OTOGL: variants seen among roughly 807,000 people sequenced by gnomAD.
OTOGL encodes otogelin-like protein.
In OTOGL, 285 loss-of-function variants were observed where a neutral mutation model predicts 318.5. The observed-to-expected ratio is 0.89, with a 90% confidence interval of 0.81 to 0.99. The LOEUF is 0.99. Ranked by LOEUF, OTOGL falls within the 50% of genes least tolerant of loss-of-function variation. The pLI, the probability that OTOGL is intolerant of heterozygous loss-of-function variation, is 0.00. For synonymous variants in OTOGL, 987 were observed against 936.5 expected (o/e 1.05, Z -0.99); for missense variants, 2,899 against 2,845.6 (o/e 1.02, Z -0.43).
chr12:80,145,218 T>C (rs1302244193), intron 1 of OTOGL, among the ~76,000 whole-genome samples: 1 of 150,874 alleles, frequency 6.6e-6, no homozygotes, highest in Non-Finnish European at 1.5e-5. Flanking sequence ...TAATCCATCT[T>C]GAATTGACTT....
At chr12:80,185,921 A>G (rs1875257394) in intron 1 of OTOGL, among the ~76,000 whole-genome samples, 1 of 152,208 alleles carries the variant, frequency 6.6e-6, no homozygotes, top group Non-Finnish European at 1.5e-5. Flanking sequence ...AAATATTAGA[A>G]AAAAGGGACA....
At chr12:80,131,829 A>G (rs1324485331) in intron 1 of OTOGL, 5 of 152,228 alleles carry the variant, frequency 3.3e-5, no homozygotes, top group African/African-American at 7.2e-5. Context: ...AGAGAAGTTT[A>G]GTAACTTTCC....
rs372966050 is a variant in OTOGL at position 80,231,307 on chromosome 12, G to A, written c.612-1585G>A. On this transcript the variant is annotated intron_variant, in intron 8 of 58. Transcript: ENST00000547103. Reference sequence around the variant, plus strand: ...TAAGAATGCATTATGGCAGTAGTTAGCTAGAGTCTTTTTTATGTATTCTCC... The same window carrying A: ...TAAGAATGCATTATGGCAGTAGTTAACTAGAGTCTTTTTTATGTATTCTCC... Among the ~76,000 whole-genome samples, 533 of 152,172 alleles carry A rather than the reference G, an allele frequency of 3.5e-3. 5 individuals are homozygous for A. The highest frequency in any genetic ancestry group is 0.012 in the African/African-American group (505 of 41,512).
intron 1 of OTOGL, among the ~76,000 whole-genome samples, chr12:80,190,969 C>T (rs1353281008): frequency 6.6e-6 from 1 of 152,094 alleles, no homozygotes; most frequent in Non-Finnish European, 1.5e-5. Flanking sequence ...ACCTTTCCAC[C>T]TCAGGCAGGC....
At chr12:80,298,849 G>A (rs1885580341) in intron 27 of OTOGL, among the ~76,000 whole-genome samples, 1 of 152,166 alleles carries the variant, frequency 6.6e-6, no homozygotes, top group Non-Finnish European at 1.5e-5. Context: ...CCAGACTATG[G>A]AGGCTCTTGA....
chr12:80,339,610 G>A (rs1461388382), intron 43 of OTOGL, among the ~76,000 whole-genome samples: 2 of 151,916 alleles, frequency 1.3e-5, no homozygotes, highest in African/African-American at 4.8e-5. Flanking sequence ...GATCTAGTAA[G>A]TAGATAATAG....
At chr12:80,169,882 G>C (rs1874074085) in intron 1 of OTOGL, among the ~76,000 whole-genome samples, 2 of 152,150 alleles carry the variant, frequency 1.3e-5, no homozygotes, top group African/African-American at 2.4e-5. Flanking sequence ...TCCATTGTAT[G>C]GATCACCAAA....
chr12:80,316,732 G>A (rs1168050841), intron 32 of OTOGL, among the ~76,000 whole-genome samples: 1 of 152,134 alleles, frequency 6.6e-6, no homozygotes, highest in African/African-American at 2.4e-5. Context: ...AGTGATAGAC[G>A]TTGAAGGGGA....
intron 11 of OTOGL, among the ~76,000 whole-genome samples, chr12:80,246,273 C>T (rs1386110428): frequency 1.3e-5 from 2 of 149,180 alleles, no homozygotes; most frequent in East Asian, 1.9e-4. Context: ...AGTTCTTGCC[C>T]ATTCAGAATG....
rs1384513139 is a variant in OTOGL at position 80,163,096 on chromosome 12, TA to T, written c.-19-46309del. On this transcript the variant is annotated intron_variant, in intron 1 of 58. Coordinates refer to ENST00000547103, the MANE Select transcript of OTOGL (RefSeq NM_001378609.3). ...TCTGTCAGTAAAAGCAATAACTTTT[TA>T]AAAAAAATTCCAGGAGAGTTTTTAT... is the stretch of plus-strand genomic sequence containing the variant. Among the ~76,000 whole-genome samples, 3 of 151,978 alleles carry T rather than the reference TA, an allele frequency of 2.0e-5. No individual in the cohort carries two copies. In the East Asian group the frequency reaches 5.8e-4, roughly 29 times the overall value.
At chr12:80,288,409 G>A (rs565748710) in intron 26 of OTOGL, among the ~76,000 whole-genome samples, 12 of 152,176 alleles carry the variant, frequency 7.9e-5, no homozygotes, top group African/African-American at 2.9e-4. Flanking sequence ...TATCTTAGTG[G>A]TGTTCTCGTA....
chr12:80,267,679 C>A (rs1056340206), intron 22 of OTOGL, among the ~76,000 whole-genome samples: 2 of 149,710 alleles, frequency 1.3e-5, no homozygotes, highest in African/African-American at 4.9e-5. Context: ...TTAACCCAAA[C>A]TGTAAGTTGA....
Position 80,370,551 on chromosome 12 carries a change from C to A in OTOGL, c.6616-19C>A. 6.8e-7 allele frequency: 1 copy of A among 1,478,288 alleles called. No homozygotes were observed. 91.6% of individuals were successfully genotyped at this position (1,478,288 alleles called of 1,614,324 possible). A position where few individuals can be genotyped will look rare whatever the true frequency, so the allele number is the denominator to read the frequency against. On this transcript the variant is annotated intron_variant, in intron 55 of 58. Coordinates refer to ENST00000547103, the MANE Select transcript of OTOGL (RefSeq NM_001378609.3). The stretch of plus-strand genomic sequence containing the variant: ...CAGATTTTAATATGCTAAATAGTAA[C>A]TTTCTTTTTGATTTTTAGGTAGGGA...
chr12:80,262,200 T>C (rs949547537), intron 19 of OTOGL, 107 bp downstream of exon 19: 14 of 1,168,108 alleles, frequency 1.2e-5, no homozygotes, highest in Non-Finnish European at 1.6e-5. Flanking sequence ...TTTTCTCCAT[T>C]ATGGTAAAAT....
intron 1 of OTOGL, among the ~76,000 whole-genome samples, chr12:80,102,362 C>G (rs1469284128): frequency 6.6e-6 from 1 of 152,194 alleles, no homozygotes; most frequent in Non-Finnish European, 1.5e-5. Context: ...GCTTTTCCCT[C>G]AATGGTAGAC....
At chr12:80,207,238 G>T (rs183093337) in intron 1 of OTOGL, among the ~76,000 whole-genome samples, 1 of 151,852 alleles carries the variant, frequency 6.6e-6, no homozygotes, top group East Asian at 1.9e-4. Flanking sequence ...TTTTACTCTT[G>T]TTGCCCAGGC....
chr12:80,164,042 T>C (rs898938016), intron 1 of OTOGL, among the ~76,000 whole-genome samples: 2 of 152,136 alleles, frequency 1.3e-5, no homozygotes, highest in Non-Finnish European at 2.9e-5. Context: ...ATTTATAAGA[T>C]GTGTGCTTTT....
chr12:80,173,787 A>T, intron 1 of OTOGL, among the ~76,000 whole-genome samples: 1 of 152,142 alleles, frequency 6.6e-6, no homozygotes, highest in East Asian at 1.9e-4. Context: ...TTGTAGAGGG[A>T]TGAAGATCCA....
At chr12:80,252,651 C>T (rs189957818) in intron 13 of OTOGL, among the ~76,000 whole-genome samples, 3 of 152,226 alleles carry the variant, frequency 2.0e-5, no homozygotes, top group Admixed American at 1.3e-4. Flanking sequence ...ATACTGATAG[C>T]TGTTTCTAAA....
Sources: gnomAD v4.1 joint callset for allele counts (sites outside exome capture counted in the v4.1 genomes callset) on GRCh38, gnomAD v4.1.1 for gene constraint, MANE v1.5 for transcripts, NCBI Gene and HGNC (gene_info 2026-07-23, HGNC 2026-07-21) for gene names.